The following CUEDC1 variants were observed in gnomAD, a reference collection of about 807,000 sequenced individuals.
CUEDC1 encodes the protein CUE domain containing 1, also known as CUE domain-containing protein 1.
Under a neutral mutation model 43.7 loss-of-function variants are expected in CUEDC1, and 30 were observed. The ratio of observed to expected loss-of-function variants is 0.69; its 90% CI spans 0.51 to 0.93. The LOEUF (loss-of-function observed/expected upper bound fraction) is 0.93. Among genes scored for constraint, CUEDC1 ranks in the 40% least tolerant of loss-of-function variants. The probability of loss-of-function intolerance (pLI) is 0.00; values close to 1 mark genes in which losing one functional copy is unlikely to be tolerated. For synonymous variants in CUEDC1, 223 were observed against 223.6 expected, an observed-to-expected ratio of 1.00 and a Z score of 0.02; for missense variants, 486 against 549.0, an observed-to-expected ratio of 0.89 and a Z score of 1.15.
chr17:57,868,593 T>C, intron 7 of CUEDC1: 1 of 362,142 alleles, frequency 2.8e-6, no homozygotes, highest in Non-Finnish European at 5.2e-6. Flanking sequence ...TTCCCGCCCC[T>C]CCCCTAGCCA....
intron 1 of CUEDC1, among the ~76,000 whole-genome samples, chr17:57,932,442 C>T (rs1055717732): frequency 4.0e-5 from 6 of 151,328 alleles, no homozygotes; most frequent in Middle Eastern, 3.2e-3. Flanking sequence ...AAAAATTAGC[C>T]GGGCATGGCA....
chr17:57,884,476 A>G (rs1033973203), intron 2 of CUEDC1, among the ~76,000 whole-genome samples: 5 of 151,758 alleles, frequency 3.3e-5, no homozygotes, highest in African/African-American at 4.8e-5. Flanking sequence ...GATTACAGGC[A>G]TGAGCCACCT....
chr17:57,868,042 C>T lies in CUEDC1; in HGVS notation c.1034+108G>A, dbSNP rs149523163. ...GAGGAGGAAGGGAAGGCCACAGAGCCGGGTTCCACTCCCAGGGGAGGGCAC... is the reference window on the plus strand; with the variant it reads ...GAGGAGGAAGGGAAGGCCACAGAGCTGGGTTCCACTCCCAGGGGAGGGCAC... On this transcript the variant is annotated intron_variant, in intron 8 of 10. Transcript: ENST00000577830. The T allele has an allele frequency of 3.4e-4, 302 of 884,038 alleles. No homozygotes were observed. The African/African-American group carries it at 4.3e-3, about 13-fold the overall frequency. 54.8% of individuals were successfully genotyped at this position (884,038 alleles called of 1,614,324 possible).
chr17:57,909,189 G>C (rs991728758), intron 1 of CUEDC1, among the ~76,000 whole-genome samples: 1 of 152,006 alleles, frequency 6.6e-6, no homozygotes, highest in Non-Finnish European at 1.5e-5. Flanking sequence ...TGGCGAGACG[G>C]GGTTTCACCA....
intron 9 of CUEDC1, chr17:57,866,984 T>C (rs561590187): frequency 9.4e-5 from 35 of 372,040 alleles, no homozygotes; most frequent in Middle Eastern, 7.9e-4. Context: ...TGGGTGAAAG[T>C]TGAGAAGCCT....
At chr17:57,868,101 T>C (rs771938581) in intron 8 of CUEDC1, 49 bp downstream of exon 8, 5 of 1,495,720 alleles carry the variant, frequency 3.3e-6, no homozygotes, top group Admixed American at 1.7e-5. Flanking sequence ...TCTTGCTCCA[T>C]GGCCCTTGGC....
chr17:57,900,535 C>A (rs767820225), intron 1 of CUEDC1, among the ~76,000 whole-genome samples: 1 of 152,240 alleles, frequency 6.6e-6, no homozygotes, highest in Non-Finnish European at 1.5e-5. Context: ...AATTATGCAT[C>A]ATCAGAGAAG....
At chr17:57,866,592 G>A (rs759746457) in intron 9 of CUEDC1, 48 bp from the exon 10 acceptor site, 36 of 1,588,510 alleles carry the variant, frequency 2.3e-5, no homozygotes, top group Admixed American at 6.7e-5. Context: ...GCAGGGCCTC[G>A]CTCAGGCACG....
intron 1 of CUEDC1, among the ~76,000 whole-genome samples, chr17:57,904,128 C>T (rs530760768): frequency 1.3e-5 from 2 of 152,166 alleles, no homozygotes; most frequent in Admixed American, 6.5e-5. Flanking sequence ...ACCCCCTCAC[C>T]CCAGCTGGCA....
At chr17:57,935,207 T>A (rs1251624772) in intron 1 of CUEDC1, among the ~76,000 whole-genome samples, 1 of 152,222 alleles carries the variant, frequency 6.6e-6, no homozygotes, top group East Asian at 1.9e-4. Context: ...GTGTTTTCTC[T>A]GAGATTTTAC....
intron 5 of CUEDC1, among the ~76,000 whole-genome samples, chr17:57,871,819 A>C (rs1024621398): frequency 6.6e-6 from 1 of 152,222 alleles, no homozygotes; most frequent in Non-Finnish European, 1.5e-5. Context: ...AGCTACTTGA[A>C]AAACTGAGGC....
At chr17:57,886,234 C>T (rs1427976083) in intron 1 of CUEDC1, among the ~76,000 whole-genome samples, 3 of 152,206 alleles carry the variant, frequency 2.0e-5, no homozygotes, top group Non-Finnish European at 4.4e-5. Flanking sequence ...GGATTTGAAT[C>T]TGGGACATAT....
chr17:57,917,871 G>A (rs1344956874), intron 1 of CUEDC1, among the ~76,000 whole-genome samples: 1 of 152,180 alleles, frequency 6.6e-6, no homozygotes, highest in Non-Finnish European at 1.5e-5. Flanking sequence ...CCACCCCAAG[G>A]CTTTTTTGCC....
rs780972399 is a variant in CUEDC1, at chr17:57,885,477, G to T, written c.88C>A (p.Pro30Thr). 9 of 1,572,878 alleles carry T rather than the reference G, an allele frequency of 5.7e-6. No individual in the cohort carries two copies. The South Asian group carries it at 1.0e-4, about 18-fold the overall frequency. ...ARGGGGGTAA[P>T]QELNNSRPAR... ...GGCCGGCTGTTGTTGAGCTCCTGGG[G>T]GGCGGCCGTGCCTCCCCCGCCCCCG... The change falls in exon 2 of 11, where the codon CCC (proline) becomes ACC (threonine). Residue 30 changes from proline (P) to threonine (T), a missense_variant. Coordinates refer to ENST00000577830, the MANE Select transcript of CUEDC1 (RefSeq NM_001271875.2).
intron 1 of CUEDC1, among the ~76,000 whole-genome samples, chr17:57,952,213 AT>A (rs1307547623): frequency 6.7e-6 from 1 of 149,896 alleles, no homozygotes; most frequent in Non-Finnish European, 1.5e-5. Flanking sequence ...ATTTTATTTT[AT>A]TTTATTTATT....
intron 1 of CUEDC1, among the ~76,000 whole-genome samples, chr17:57,913,201 G>T (rs2074602869): frequency 6.6e-6 from 1 of 152,018 alleles, no homozygotes; most frequent in Non-Finnish European, 1.5e-5. Context: ...GGTGGCAGGT[G>T]CCTGTAATCC....
At chr17:57,879,121 A>G (rs1036235302) in intron 3 of CUEDC1, among the ~76,000 whole-genome samples, 1 of 152,216 alleles carries the variant, frequency 6.6e-6, no homozygotes. Context: ...TCCCTAGCCC[A>G]AGGATGGCAG....
intron 1 of CUEDC1, among the ~76,000 whole-genome samples, chr17:57,944,607 G>A (rs1598026983): frequency 6.6e-6 from 1 of 152,088 alleles, no homozygotes; most frequent in African/African-American, 2.4e-5. Flanking sequence ...GTGTTGTTGT[G>A]GAGTATAATA....
intron 1 of CUEDC1, among the ~76,000 whole-genome samples, chr17:57,890,835 G>T (rs747463572): frequency 2.6e-5 from 4 of 152,246 alleles, no homozygotes. Flanking sequence ...GGGGCTATGA[G>T]AGCTGGGGAG....
Sources: allele counts gnomAD v4.1 joint callset (sites outside exome capture counted in the v4.1 genomes callset), GRCh38; gene constraint gnomAD v4.1.1; transcripts MANE v1.5; gene names NCBI Gene and HGNC (gene_info 2026-07-23, HGNC 2026-07-21).